The following ZNF827 variants were observed in gnomAD, a reference collection of about 807,000 sequenced individuals.
ZNF827 encodes the protein zinc finger protein 827.
In ZNF827, 13 loss-of-function variants were observed where a neutral mutation model predicts 102.4. The ratio of observed to expected loss-of-function variants is 0.13; its 90% CI spans 0.08 to 0.20. ZNF827 has a LOEUF of 0.20. Among genes scored for constraint, ZNF827 ranks in the 10% least tolerant of loss-of-function variants. ZNF827 has a pLI of 1.00. For missense variants in ZNF827, 1,103 were observed against 1,344.4 expected, an observed-to-expected ratio of 0.82 and a Z score of 2.81; for synonymous variants, 523 against 536.2, an observed-to-expected ratio of 0.98 and a Z score of 0.34.
chr4:145,789,306 A>G (rs550651648), intron 8 of ZNF827, among the ~76,000 whole-genome samples: 30 of 152,348 alleles, frequency 2.0e-4, no homozygotes, highest in African/African-American at 6.7e-4. Context: ...TGATTCCAAC[A>G]GATAAAGACT....
Position 145,896,864 on chromosome 4 carries a change from A to G in ZNF827, c.1094-4449T>C, listed in dbSNP as rs556390962. 8.5e-5 allele frequency among the ~76,000 whole-genome samples: 13 copies of G among 152,370 alleles called. No homozygotes were observed. The East Asian group carries it at 2.5e-3, about 29-fold the overall frequency. ...ATATATGTTGAACCATTTATAATGA[A>G]CAAGATCTGCCCAAAGCAGAGATGA... On this transcript the variant is annotated intron_variant, in intron 2 of 14. Coordinates refer to ENST00000508784, the MANE Select transcript of ZNF827 (RefSeq NM_001306215.2).
At position 145,849,247 on chromosome 4, in the gene ZNF827, T is replaced by C. The variant is rs201656317; in HGVS notation, c.2221+75A>G. On this transcript the variant is annotated intron_variant, in intron 6 of 14. Coordinates refer to ENST00000508784, the MANE Select transcript of ZNF827 (RefSeq NM_001306215.2). ...AATCCTATAATTCAGGTTTTTTTTT[T>C]TAAAAAAAACTGTGTTAGAAGGGTT... 6.0e-6 allele frequency: 9 copies of C among 1,495,816 alleles called. No homozygotes were observed. The South Asian group carries it at 1.2e-4, about 20-fold the overall frequency. The allele number at this position is 1,495,816 out of a possible 1,614,324, so 92.7% of individuals were successfully genotyped here.
chr4:145,792,857 T>G (rs995495857), intron 8 of ZNF827, among the ~76,000 whole-genome samples: 1 of 152,148 alleles, frequency 6.6e-6, no homozygotes, highest in Admixed American at 6.5e-5. Context: ...AAATTTTGGC[T>G]ACAAATAAAA....
chr4:145,788,880 T>C (rs576731929), intron 8 of ZNF827, among the ~76,000 whole-genome samples: 33 of 152,380 alleles, frequency 2.2e-4, no homozygotes, highest in African/African-American at 7.5e-4. Flanking sequence ...TTTGGCTTTG[T>C]GGCAGAAACT....
At chr4:145,867,533 AG>A (rs1301366537) in intron 5 of ZNF827, among the ~76,000 whole-genome samples, 1 of 152,248 alleles carries the variant, frequency 6.6e-6, no homozygotes, top group African/African-American at 2.4e-5. Flanking sequence ...GAAGACTGAA[AG>A]GGTCTAAACT....
intron 7 of ZNF827, chr4:145,833,112 C>T (rs1744416701): frequency 4.5e-6 from 1 of 220,140 alleles, no homozygotes; most frequent in Non-Finnish European, 8.8e-6. Flanking sequence ...GACCTCAGGT[C>T]CTCAGACCGA....
At chr4:145,856,953 CTTCT>C (rs1260874222) in intron 5 of ZNF827, among the ~76,000 whole-genome samples, 1 of 148,228 alleles carries the variant, frequency 6.7e-6, no homozygotes, top group Non-Finnish European at 1.5e-5. Context: ...ATGCCTCCTC[CTTCT>C]TTCTCGCTCA....
rs1190050390 is a variant in ZNF827 at position 145,846,026 on chromosome 4, A to C, written c.2222-13T>G. 6.2e-7 allele frequency: 1 copy of C among 1,614,150 alleles called. No homozygotes were observed. The highest frequency in any genetic ancestry group is 1.1e-5 in the South Asian group (1 of 91,082). On this transcript the variant is annotated splice_polypyrimidine_tract_variant and intron_variant, in intron 6 of 14. Transcript: ENST00000508784. ...TTGCTCACTTTTTCTGTAAGGAGAAAGAATGAAACATACACCTCTTAGGTT... is the reference window on the plus strand; with the variant it reads ...TTGCTCACTTTTTCTGTAAGGAGAACGAATGAAACATACACCTCTTAGGTT...
chr4:145,879,271 T>C (rs1561032690), intron 4 of ZNF827, among the ~76,000 whole-genome samples: 1 of 152,172 alleles, frequency 6.6e-6, no homozygotes, highest in Non-Finnish European at 1.5e-5. Flanking sequence ...ACAGACCCTA[T>C]AGGGCTGTGG....
intron 7 of ZNF827, chr4:145,830,915 A>G (rs912271866): frequency 6.6e-6 from 1 of 152,222 alleles, no homozygotes; most frequent in Non-Finnish European, 1.5e-5. Flanking sequence ...TTGAATGAGC[A>G]GTTGTAGAGC....
At chr4:145,863,920 G>A (rs1747950266) in intron 5 of ZNF827, among the ~76,000 whole-genome samples, 1 of 152,066 alleles carries the variant, frequency 6.6e-6, no homozygotes. Context: ...TGGGCCAGGC[G>A]CAGTGGCTCA....
intron 1 of ZNF827, among the ~76,000 whole-genome samples, chr4:145,930,374 C>T (rs542398139): frequency 6.6e-6 from 1 of 152,314 alleles, no homozygotes; most frequent in African/African-American, 2.4e-5. Flanking sequence ...TCTCTCTCAC[C>T]CCTTTTCTTT....
At chr4:145,871,882 G>A (rs1748717830) in intron 4 of ZNF827, among the ~76,000 whole-genome samples, 1 of 152,178 alleles carries the variant, frequency 6.6e-6, no homozygotes, top group Non-Finnish European at 1.5e-5. Context: ...CCAGAAAGAT[G>A]CAGAGCTGGG....
chr4:145,782,639 CA>C (rs1302564026), intron 8 of ZNF827, among the ~76,000 whole-genome samples: 2 of 152,184 alleles, frequency 1.3e-5, no homozygotes, highest in African/African-American at 4.8e-5. Context: ...AGCCCTTCCT[CA>C]CCTCACAGAT....
rs186273878 is a variant in ZNF827, at chr4:145,928,290, T to C, written c.43+10075A>G. On this transcript the variant is annotated intron_variant, in intron 1 of 14. Coordinates refer to ENST00000508784, the MANE Select transcript of ZNF827 (RefSeq NM_001306215.2). ...GGGAGCTTTTAAAAAACGTTCATGC[T>C]CAAGCTCCACTCTGGGTCAATTCAA... is the stretch of plus-strand genomic sequence containing the variant. Among the ~76,000 whole-genome samples, 1,448 of 152,304 alleles carry C rather than the reference T, an allele frequency of 9.5e-3. 23 individuals carry two copies. Among genetic ancestry groups the C allele is most frequent in the Non-Finnish European group, 0.012 (807 of 68,016 alleles).
intron 7 of ZNF827, chr4:145,830,666 T>C (rs934191973): frequency 3.3e-5 from 5 of 152,212 alleles, no homozygotes; most frequent in Non-Finnish European, 5.9e-5. Flanking sequence ...TATATGTACA[T>C]GTTGTATAAC....
At chr4:145,835,148 C>A (rs4835020) in intron 7 of ZNF827, 29,204 of 152,124 alleles carry the variant, frequency 0.19, 3,923 homozygotes, top group East Asian at 0.64. Flanking sequence ...ACTCCCAGAG[C>A]CCCTGGAACT....
At chr4:145,896,518 T>C (rs1338271187) in intron 2 of ZNF827, among the ~76,000 whole-genome samples, 2 of 152,120 alleles carry the variant, frequency 1.3e-5, no homozygotes, top group Non-Finnish European at 2.9e-5. Flanking sequence ...AGGTACAACA[T>C]ATAATTCAGT....
At chr4:145,781,218 GAAAAAA>G (rs1560914681) in intron 8 of ZNF827, among the ~76,000 whole-genome samples, 15 of 70,850 alleles carry the variant, frequency 2.1e-4, no homozygotes, top group African/African-American at 7.9e-4. Flanking sequence ...AAAAAAAAAA[GAAAAAA>G]AAAGAAAAAA....
Sources: gnomAD v4.1 joint callset for allele counts (sites outside exome capture counted in the v4.1 genomes callset) on GRCh38, gnomAD v4.1.1 for gene constraint, MANE v1.5 for transcripts, NCBI Gene and HGNC (gene_info 2026-07-23, HGNC 2026-07-21) for gene names.